PTPRE: variants seen among roughly 807,000 people sequenced by gnomAD.
The protein encoded by PTPRE is protein tyrosine phosphatase receptor type E.
A neutral mutation model predicts 102.0 loss-of-function variants in PTPRE; 51 were observed. The observed-to-expected ratio is 0.50, with a 90% confidence interval of 0.40 to 0.63. PTPRE has a LOEUF of 0.63. PTPRE is among the 30% of genes least tolerant of loss of function. The pLI, the probability that PTPRE is intolerant of heterozygous loss-of-function variation, is 0.00. For synonymous variants in PTPRE, 345 were observed against 348.2 expected (o/e 0.99, Z 0.10); for missense variants, 752 against 915.1 (o/e 0.82, Z 2.30).
intron 3 of PTPRE, among the ~76,000 whole-genome samples, chr10:128,043,056 C>G (rs901532399): frequency 6.6e-6 from 1 of 152,244 alleles, no homozygotes; most frequent in Non-Finnish European, 1.5e-5. Context: ...CTGGCTCCAT[C>G]GCACATTATG....
chr10:127,961,806 G>A (rs2135390957), intron 1 of PTPRE, among the ~76,000 whole-genome samples: 2 of 152,296 alleles, frequency 1.3e-5, no homozygotes, highest in Admixed American at 1.3e-4. Context: ...GCAGCACTGA[G>A]AACCCAGGCT....
intron 16 of PTPRE, chr10:128,072,732 T>C (rs947474371): frequency 7.2e-5 from 11 of 152,252 alleles, no homozygotes; most frequent in African/African-American, 2.7e-4. Context: ...AGTAATTGGC[T>C]CTTTTTTCAT....
At chr10:128,019,640 T>TCCAC (rs1304830378) in intron 2 of PTPRE, among the ~76,000 whole-genome samples, 3 of 150,756 alleles carry the variant, frequency 2.0e-5, no homozygotes, top group Non-Finnish European at 1.5e-5. Context: ...AGCCCATTCA[T>TCCAC]TCATTCATTC....
intron 1 of PTPRE, among the ~76,000 whole-genome samples, chr10:127,962,943 C>T (rs1380613221): frequency 6.6e-6 from 1 of 152,112 alleles, no homozygotes; most frequent in African/African-American, 2.4e-5. Context: ...GGGCTGGGGG[C>T]TCTGGAGGTC....
intron 18 of PTPRE, among the ~76,000 whole-genome samples, chr10:128,077,182 C>G (rs1851277981): frequency 6.6e-6 from 1 of 152,154 alleles, no homozygotes; most frequent in South Asian, 2.1e-4. Flanking sequence ...TCCAAACAGT[C>G]AGTATCACGT....
chr10:127,917,651 C>T lies in PTPRE; in HGVS notation c.-31+10342C>T, dbSNP rs143418248. Among the ~76,000 whole-genome samples, 427 of 152,132 alleles carry T rather than the reference C, an allele frequency of 2.8e-3. 3 individuals are homozygous for T. The highest frequency in any genetic ancestry group is 9.6e-3 in the African/African-American group (400 of 41,504). On this transcript the variant is annotated intron_variant, in intron 1 of 20. Transcript: ENST00000254667. ...CTGTACTCCAGCCTTGGTGACAGAG[C>T]GAGAACCTGTCTCAAAAAAATTTTT...
chr10:128,067,948 G>T (rs1414214204), intron 11 of PTPRE, among the ~76,000 whole-genome samples, 175 bp from the exon 12 acceptor site: 1 of 152,244 alleles, frequency 6.6e-6, no homozygotes, highest in Non-Finnish European at 1.5e-5. Flanking sequence ...CACATGTTCA[G>T]AGTCGGCAGG....
At chr10:127,908,994 A>T (rs1468382167) in intron 1 of PTPRE, among the ~76,000 whole-genome samples, 2 of 152,192 alleles carry the variant, frequency 1.3e-5, no homozygotes, top group Non-Finnish European at 2.9e-5. Flanking sequence ...TTTACGTGTG[A>T]TGCTTCTTGG....
intron 11 of PTPRE, among the ~76,000 whole-genome samples, chr10:128,067,331 C>T (rs200814435): frequency 8.6e-3 from 1,258 of 145,612 alleles, no homozygotes; most frequent in South Asian, 0.018. Flanking sequence ...TGTGCACACA[C>T]ATACATCCAC....
Position 128,070,067 on chromosome 10 carries a change from T to C in PTPRE, c.1144-234T>C, listed in dbSNP as rs1298448448. The C allele has an allele frequency of 7.2e-6, 5 of 691,128 alleles. No individual in the cohort carries two copies. In the Admixed American group the frequency reaches 8.7e-5, roughly 12 times the overall value. 42.8% of individuals were successfully genotyped at this position (691,128 alleles called of 1,614,324 possible). A position where few individuals can be genotyped will look rare whatever the true frequency, so the allele number is the denominator to read the frequency against. ...CAATCCTACTCCCCCAAACGGTGCA[T>C]GTACACAGTGCGTGGCGTGCTCACC... On this transcript the variant is annotated intron_variant, in intron 13 of 20. Transcript: ENST00000254667. This position sits in a 1 kb window ranked among gnomAD's most constrained non-coding sequence, Gnocchi z 4.8.
chr10:127,954,633 C>A (rs971501111), intron 1 of PTPRE, among the ~76,000 whole-genome samples: 1 of 152,144 alleles, frequency 6.6e-6, no homozygotes, highest in African/African-American at 2.4e-5. Flanking sequence ...AGTGAAATGG[C>A]CTTTTGAAGT....
chr10:127,950,871 C>A (rs1003965254), intron 1 of PTPRE, among the ~76,000 whole-genome samples: 1 of 151,814 alleles, frequency 6.6e-6, no homozygotes, highest in African/African-American at 2.4e-5. Context: ...CCGAGGCGGG[C>A]AGATCACTAG....
In PTPRE at chr10:128,029,178, G is replaced by T. The variant is rs12411754; in HGVS notation, c.-7-11697G>T. On this transcript the variant is annotated intron_variant, in intron 2 of 20. Transcript: ENST00000254667. Reference sequence around the variant, plus strand: ...CAGATGCCCCAGGCGGAAGGCTCGTGGGGGCTCAGGGCCCCAGCTGGGGGC... The same window carrying T: ...CAGATGCCCCAGGCGGAAGGCTCGTTGGGGCTCAGGGCCCCAGCTGGGGGC... Among the ~76,000 whole-genome samples the T allele has an allele frequency of 6.5e-3, 997 of 152,274 alleles. 37 individuals carry two copies. The highest frequency in any genetic ancestry group is 0.056 in the Admixed American group (864 of 15,294).
At chr10:127,940,854 T>C (rs182278317) in intron 1 of PTPRE, among the ~76,000 whole-genome samples, 1 of 152,350 alleles carries the variant, frequency 6.6e-6, no homozygotes, top group Non-Finnish European at 1.5e-5. Flanking sequence ...TGTGACCCAG[T>C]TCATTTGTCT....
intron 1 of PTPRE, among the ~76,000 whole-genome samples, chr10:127,963,307 C>T (rs1849975536): frequency 6.6e-6 from 1 of 152,220 alleles, no homozygotes; most frequent in Admixed American, 6.5e-5. Flanking sequence ...TCCCATTCCT[C>T]CCTCTCCTGT....
intron 1 of PTPRE, among the ~76,000 whole-genome samples, chr10:127,910,693 A>T (rs1214222662): frequency 6.6e-6 from 1 of 152,190 alleles, no homozygotes; most frequent in East Asian, 1.9e-4. Context: ...GGGACATAGG[A>T]TACATATAAT....
intron 1 of PTPRE, among the ~76,000 whole-genome samples, chr10:127,926,935 C>T (rs1424673431): frequency 6.6e-6 from 1 of 151,052 alleles, no homozygotes; most frequent in Admixed American, 6.6e-5. Flanking sequence ...CCTCAGCCTC[C>T]CAAGTAGCTG....
At position 128,070,366 on chromosome 10, in the gene PTPRE, C is replaced by A; in HGVS notation, c.1209C>A (p.Asp403Glu). 6.2e-7 allele frequency: 1 copy of A among 1,614,186 alleles called. No individual in the cohort carries two copies. The highest frequency in any genetic ancestry group is 8.5e-7 in the Non-Finnish European group (1 of 1,180,024). ...EYYLYGDTEL[D>E]VSSLEKHLQT... The stretch of plus-strand genomic sequence containing the variant: ...ACCTCTACGGGGACACAGAGCTGGA[C>A]GTGTCCTCCCTGGAGAAGCACCTGC... Residue 403 changes from aspartate to glutamate, a missense_variant, in exon 14 of 21, where the codon GAC (aspartate) becomes GAA (glutamate). By Grantham distance (45) the Asp-to-Glu change is conservative. Transcript: ENST00000254667. The surrounding 1 kb of genome is among the most constrained non-coding windows in gnomAD (Gnocchi z 4.8).
At chr10:127,960,863 C>T (rs1564829663) in intron 1 of PTPRE, among the ~76,000 whole-genome samples, 1 of 151,362 alleles carries the variant, frequency 6.6e-6, no homozygotes, top group African/African-American at 2.4e-5. Flanking sequence ...ACTAAAAATA[C>T]AAAAAAAATT....
Sources: allele counts gnomAD v4.1 joint callset (sites outside exome capture counted in the v4.1 genomes callset), GRCh38; gene constraint gnomAD v4.1.1; non-coding constraint Gnocchi (gnomAD v3.1); transcripts MANE v1.5; gene names NCBI Gene and HGNC (gene_info 2026-07-23, HGNC 2026-07-21).